ATG2B: variants seen among roughly 807,000 people sequenced by gnomAD.
The protein encoded by ATG2B is autophagy related 2B, also known as autophagy-related protein 2 homolog B.
In ATG2B, 121 loss-of-function variants were observed where a neutral mutation model predicts 241.3. That is an observed-to-expected ratio of 0.50 (90% CI 0.43 to 0.58). The LOEUF is 0.58. Ranked by LOEUF, ATG2B falls within the 20% of genes least tolerant of loss-of-function variation. The probability of loss-of-function intolerance (pLI) is 0.00; values close to 1 mark genes in which losing one functional copy is unlikely to be tolerated. For missense variants in ATG2B, 2,306 were observed against 2,491.6 expected, an observed-to-expected ratio of 0.93 and a Z score of 1.59; for synonymous variants, 858 against 876.6, an observed-to-expected ratio of 0.98 and a Z score of 0.37.
intron 33 of ATG2B, 69 bp from the exon 34 acceptor site, chr14:96,302,177 G>GAAA: frequency 1.1e-5 from 9 of 844,542 alleles, no homozygotes; most frequent in Admixed American, 2.5e-5. Flanking sequence ...TTAAAAATAA[G>GAAA]AAAAAAAAAG....
chr14:96,326,501 G>GTTC (rs958214307), intron 14 of ATG2B, among the ~76,000 whole-genome samples: 2 of 151,988 alleles, frequency 1.3e-5, no homozygotes, highest in African/African-American at 4.8e-5. Context: ...TCATCAAATG[G>GTTC]TTCTATGAGA....
At chr14:96,326,101 C>T (rs1887582313) in intron 14 of ATG2B, among the ~76,000 whole-genome samples, 179 bp from the exon 15 acceptor site, 1 of 152,110 alleles carries the variant, frequency 6.6e-6, no homozygotes, top group Non-Finnish European at 1.5e-5. Context: ...TATAATGCAA[C>T]AACTATTAGC....
At chr14:96,326,324 A>G (rs1260621520) in intron 14 of ATG2B, among the ~76,000 whole-genome samples, 1 of 152,226 alleles carries the variant, frequency 6.6e-6, no homozygotes, top group African/African-American at 2.4e-5. Context: ...CTACCAATAT[A>G]TGATTTTAAA....
intron 5 of ATG2B, 123 bp from the exon 6 acceptor site, chr14:96,341,824 A>T: frequency 1.3e-6 from 1 of 763,028 alleles, no homozygotes; most frequent in Non-Finnish European, 1.9e-6. Context: ...ATGATGTTAC[A>T]ATGGACAAAC....
At chr14:96,329,665 T>C in intron 11 of ATG2B, 31 bp from the exon 12 acceptor site, 1 of 1,423,564 alleles carries the variant, frequency 7.0e-7, no homozygotes, top group Non-Finnish European at 9.8e-7. Flanking sequence ...TTTAAGATTA[T>C]TAGTGTTAAA....
Position 96,345,347 on chromosome 14 carries a change from T to C in ATG2B, c.364A>G (p.Thr122Ala). The change falls in exon 3 of 42, where the codon ACC becomes GCC. Residue 122 changes from threonine to alanine, a missense_variant. Physicochemically the swap from Thr to Ala is moderately conservative, Grantham distance 58 (BLOSUM62 0). Transcript: ENST00000359933. ...SEPMYWSSFM[T>A]SSMQLAKECL... The stretch of plus-strand genomic sequence containing the variant: ...TCTTTTGCCAATTGCATACTGCTGG[T>C]CATAAAACTTGACCAATACATAGGC... The C allele has an allele frequency of 1.9e-6, 3 of 1,612,862 alleles. No individual in the cohort carries two copies. The highest frequency in any genetic ancestry group is 2.5e-6 in the Non-Finnish European group (3 of 1,179,408).
chr14:96,281,432 C>T lies in ATG2B; in HGVS notation c.*4323G>A, dbSNP rs888214721. 6.6e-6 allele frequency: 1 copy of T among 152,150 alleles called. No homozygotes were observed. The highest frequency in any genetic ancestry group is 2.1e-4 in the South Asian group (1 of 4,830). 9.4% of individuals were successfully genotyped at this position (152,150 alleles called of 1,614,324 possible). Reference sequence around the variant, plus strand: ...AATTAGGAAACTTAGCAAAGACAGTCAATACACATGTTCTTTTACTTGTGG... The same window carrying T: ...AATTAGGAAACTTAGCAAAGACAGTTAATACACATGTTCTTTTACTTGTGG... On this transcript the variant is annotated 3_prime_UTR_variant, in exon 42 of 42. Transcript: ENST00000359933.
At chr14:96,309,308 G>A in intron 29 of ATG2B, 145 bp downstream of exon 29, 1 of 1,023,396 alleles carries the variant, frequency 9.8e-7, no homozygotes, top group Non-Finnish European at 1.4e-6. Flanking sequence ...ACTAGACACT[G>A]AGTAGACACA....
At position 96,290,064 on chromosome 14, in the gene ATG2B, T is replaced by C. The variant is rs946700243; in HGVS notation, c.5857-259A>G. The C allele has an allele frequency of 8.5e-7, 1 of 1,172,384 alleles. No individual in the cohort carries two copies. The highest frequency in any genetic ancestry group is 1.5e-5 in the African/African-American group (1 of 64,602). The allele number at this position is 1,172,384 out of a possible 1,614,324, so 72.6% of individuals were successfully genotyped here. A position where few individuals can be genotyped will look rare whatever the true frequency, so the allele number is the denominator to read the frequency against. ...CTCTGTTCACTGAGAACACTCAACA[T>C]TTCCACATCAGTCTATGGAGCTTAA... is the stretch of plus-strand genomic sequence containing the variant. On this transcript the variant is annotated intron_variant, in intron 40 of 41. Coordinates refer to ENST00000359933, the MANE Select transcript of ATG2B (RefSeq NM_018036.7). The surrounding 1 kb of genome is among the most constrained non-coding windows in gnomAD (Gnocchi z 4.4).
intron 1 of ATG2B, among the ~76,000 whole-genome samples, chr14:96,352,426 C>T (rs1239018916): frequency 2.6e-5 from 4 of 151,550 alleles, no homozygotes; most frequent in Admixed American, 6.6e-5. Flanking sequence ...GCAGTTCTTT[C>T]AGGAGGTACC....
rs1595340921 is a variant in ATG2B at position 96,362,731 on chromosome 14, T to C, written c.162+84A>G. 13 of 1,382,898 alleles carry C rather than the reference T, an allele frequency of 9.4e-6. No individual in the cohort carries two copies. The East Asian group carries it at 2.8e-4, about 30-fold the overall frequency. 85.7% of individuals were successfully genotyped at this position (1,382,898 alleles called of 1,614,324 possible). ...AAACAATTCCCAAGGAGGGACTGAC[T>C]GTCACCAATCTTGGATGGCACTGGT... On this transcript the variant is annotated intron_variant, in intron 1 of 41. Transcript: ENST00000359933.
Position 96,305,676 on chromosome 14 carries a change from A to G in ATG2B, c.4646T>C (p.Val1549Ala). 6.2e-7 allele frequency: 1 copy of G among 1,614,196 alleles called. No homozygotes were observed. Among genetic ancestry groups the G allele is most frequent in the South Asian group, 1.1e-5 (1 of 91,088 alleles). ...LHFPIPVIRYVVKEVSLVWHL... is the reference protein window; with the variant it reads ...LHFPIPVIRYAVKEVSLVWHL... ...CCAGACAAGAGAGACCTCCTTCACC[A>G]CATAGCGAATCACAGGAATGGGAAA... Residue 1549 changes from valine to alanine, a missense_variant, in exon 31 of 42, where the codon GTG (valine) becomes GCG (alanine). Physicochemically the swap from Val to Ala is moderately conservative, Grantham distance 64. Transcript: ENST00000359933.
intron 36 of ATG2B, 91 bp downstream of exon 36, chr14:96,294,869 G>A (rs1170095436): frequency 1.5e-5 from 18 of 1,166,580 alleles, no homozygotes; most frequent in Admixed American, 8.6e-5. Context: ...AAAAGCTGAC[G>A]GAACCTCATG....
chr14:96,319,797 A>C (rs1316926290), intron 18 of ATG2B, among the ~76,000 whole-genome samples: 2 of 152,222 alleles, frequency 1.3e-5, no homozygotes, highest in Non-Finnish European at 2.9e-5. Context: ...TGGTTAGGGC[A>C]CGGGGAGTTC....
At chr14:96,317,881 A>G (rs1887357961) in intron 18 of ATG2B, 26 bp from the exon 19 acceptor site, 1 of 1,526,878 alleles carries the variant, frequency 6.5e-7, no homozygotes, top group Non-Finnish European at 8.9e-7. Flanking sequence ...TTGAAAAATA[A>G]GTACTTAACT....
At chr14:96,301,064 ATTAG>A (rs1886776158) in intron 34 of ATG2B, among the ~76,000 whole-genome samples, 1 of 152,256 alleles carries the variant, frequency 6.6e-6, no homozygotes, top group African/African-American at 2.4e-5. Flanking sequence ...TTCACAGCAG[ATTAG>A]TTAAAAACTC....
chr14:96,321,182 G>A (rs1043992613), intron 18 of ATG2B, among the ~76,000 whole-genome samples: 2 of 151,898 alleles, frequency 1.3e-5, no homozygotes, highest in African/African-American at 4.8e-5. Flanking sequence ...AGAAAACCCA[G>A]GGTTTATTAC....
rs1439570518 is a variant in ATG2B at position 96,295,073 on chromosome 14, T to C, written c.5313A>G (p.Pro1771=). The C allele has an allele frequency of 1.2e-6, 2 of 1,614,118 alleles. No homozygotes were observed. Among genetic ancestry groups the C allele is most frequent in the African/African-American group, 2.7e-5 (2 of 74,944 alleles). ...EPNLVISFSG[P]KQPSQNDSAN... ...CACTATCATTTTGGGAAGGCTGTTT[T>C]GGCCCAGAGAAAGAAATAACCAGAT... The change falls in exon 36 of 42, where the codon CCA becomes CCG. Residue 1771 remains proline (P), a synonymous_variant. Transcript: ENST00000359933.
chr14:96,320,950 C>T (rs1302474438), intron 18 of ATG2B, among the ~76,000 whole-genome samples: 3 of 151,950 alleles, frequency 2.0e-5, no homozygotes, highest in Non-Finnish European at 4.4e-5. Context: ...ATTGAATATA[C>T]ATTAGGTGCT....
Sources: allele counts gnomAD v4.1 joint callset (sites outside exome capture counted in the v4.1 genomes callset), GRCh38; gene constraint gnomAD v4.1.1; non-coding constraint Gnocchi (gnomAD v3.1); transcripts MANE v1.5; gene names NCBI Gene and HGNC (gene_info 2026-07-23, HGNC 2026-07-21).